Variants in CPEB3 observed in about 807,000 individuals in gnomAD.
The protein encoded by CPEB3 is cytoplasmic polyadenylation element-binding protein 3.
CPEB3 carries 20 observed loss-of-function variants against 67.2 expected under a neutral mutation model. The ratio of observed to expected loss-of-function variants is 0.30; its 90% CI spans 0.21 to 0.43. The LOEUF (loss-of-function observed/expected upper bound fraction) is 0.43. CPEB3 is among the 20% of genes least tolerant of loss of function. The pLI is 1.00. For synonymous variants in CPEB3, 376 were observed against 393.1 expected (o/e 0.96, Z 0.51); for missense variants, 746 against 968.6 (o/e 0.77, Z 3.05).
intron 6 of CPEB3, chr10:92,137,508 T>C: frequency 2.0e-6 from 2 of 977,254 alleles, no homozygotes; most frequent in Non-Finnish European, 3.2e-6. Flanking sequence ...GGCCTTCTGA[T>C]GTGCTTGAGG....
intron 9 of CPEB3, among the ~76,000 whole-genome samples, chr10:92,063,412 C>G (rs1165800288): frequency 6.6e-6 from 1 of 152,194 alleles, no homozygotes; most frequent in African/African-American, 2.4e-5. Flanking sequence ...CTATTAAGGA[C>G]AGCCAAAGAC....
chr10:92,057,622 G>A (rs1051527127), intron 9 of CPEB3, among the ~76,000 whole-genome samples: 1 of 152,238 alleles, frequency 6.6e-6, no homozygotes, highest in Non-Finnish European at 1.5e-5. Flanking sequence ...TAACCAGGGC[G>A]TGGTTATGGC....
At chr10:92,082,194 C>A (rs1843180351) in intron 8 of CPEB3, among the ~76,000 whole-genome samples, 2 of 152,156 alleles carry the variant, frequency 1.3e-5, no homozygotes, top group South Asian at 2.1e-4. Context: ...TAAAAACATA[C>A]CCATGTTGTA....
intron 4 of CPEB3, among the ~76,000 whole-genome samples, chr10:92,171,861 C>T (rs1335601567): frequency 1.3e-5 from 2 of 152,136 alleles, no homozygotes; most frequent in Admixed American, 1.3e-4. Context: ...GTGATCCACC[C>T]GCCTCAGCCT....
chr10:92,055,274 T>C (rs764660207), intron 9 of CPEB3, among the ~76,000 whole-genome samples: 15 of 152,224 alleles, frequency 9.9e-5, no homozygotes, highest in Non-Finnish European at 2.9e-5. Context: ...TTGAGGGATC[T>C]AGTCTACACA....
chr10:92,116,170 T>A (rs562383452), intron 6 of CPEB3, among the ~76,000 whole-genome samples: 3 of 151,136 alleles, frequency 2.0e-5, no homozygotes, highest in African/African-American at 7.3e-5. Flanking sequence ...TGTGTACTTA[T>A]GTTAATATTC....
At chr10:92,146,391 AC>A (rs1036860699) in intron 4 of CPEB3, among the ~76,000 whole-genome samples, 4 of 152,072 alleles carry the variant, frequency 2.6e-5, no homozygotes, top group African/African-American at 7.2e-5. Context: ...GAGTACTCTA[AC>A]TTTTGGGGGA....
intron 9 of CPEB3, among the ~76,000 whole-genome samples, chr10:92,054,655 T>C (rs898467237): frequency 6.6e-6 from 1 of 152,166 alleles, no homozygotes; most frequent in Non-Finnish European, 1.5e-5. Flanking sequence ...TTGGCCAGGC[T>C]GGTCTCAAAT....
At chr10:92,078,745 A>T (rs1843028227) in intron 9 of CPEB3, among the ~76,000 whole-genome samples, 1 of 152,198 alleles carries the variant, frequency 6.6e-6, no homozygotes, top group South Asian at 2.1e-4. Context: ...ACAAAAGCAA[A>T]GCCATTTCTC....
At chr10:92,144,831 C>A in intron 5 of CPEB3, 114 bp downstream of exon 5, 1 of 846,964 alleles carries the variant, frequency 1.2e-6, no homozygotes, top group African/African-American at 1.7e-5. Context: ...ATAGTCTCAC[C>A]TCCTATGCAC....
chr10:92,158,555 A>C (rs1039945357), intron 4 of CPEB3, among the ~76,000 whole-genome samples: 2 of 152,324 alleles, frequency 1.3e-5, no homozygotes, highest in Admixed American at 6.5e-5. Context: ...GATTCCCCTG[A>C]AAAATGTATA....
chr10:92,070,216 T>C (rs991852750), intron 9 of CPEB3, among the ~76,000 whole-genome samples: 2 of 152,176 alleles, frequency 1.3e-5, no homozygotes, highest in African/African-American at 2.4e-5. Flanking sequence ...AAACTGCATA[T>C]TGCCTCCTTC....
intron 6 of CPEB3, among the ~76,000 whole-genome samples, chr10:92,131,276 T>C (rs1032031398): frequency 6.6e-6 from 1 of 152,200 alleles, no homozygotes; most frequent in Admixed American, 6.6e-5. Context: ...CCAGCACTAA[T>C]GTACTATAGT....
Position 92,092,290 on chromosome 10 carries a change from C to T in CPEB3, c.1573-346G>A, listed in dbSNP as rs551970831. Reference sequence around the variant, plus strand: ...AACACATGATAGAGACTGTTTACAACGTGTCACAGTACACCACTTTGTTTT... The same window carrying T: ...AACACATGATAGAGACTGTTTACAATGTGTCACAGTACACCACTTTGTTTT... On this transcript the variant is annotated intron_variant, in intron 7 of 9. Coordinates refer to ENST00000265997, the MANE Select transcript of CPEB3 (RefSeq NM_014912.5). Among the ~76,000 whole-genome samples the T allele has an allele frequency of 3.9e-5, 6 of 152,252 alleles. No individual in the cohort carries two copies. The South Asian group carries it at 1.0e-3, about 26-fold the overall frequency.
chr10:92,128,852 G>C (rs564507416), intron 6 of CPEB3, among the ~76,000 whole-genome samples: 6 of 152,286 alleles, frequency 3.9e-5, no homozygotes, highest in African/African-American at 7.2e-5. Context: ...ACAGGTGCTG[G>C]TGAGGTTGCA....
At chr10:92,121,713 A>G (rs770057607) in intron 6 of CPEB3, among the ~76,000 whole-genome samples, 1 of 151,894 alleles carries the variant, frequency 6.6e-6, no homozygotes, top group Non-Finnish European at 1.5e-5. Flanking sequence ...ATCCTGAACC[A>G]CTGCAGCATT....
At chr10:92,286,610 T>C (rs191824309) in intron 1 of CPEB3, among the ~76,000 whole-genome samples, 1 of 149,850 alleles carries the variant, frequency 6.7e-6, no homozygotes, top group African/African-American at 2.5e-5. Flanking sequence ...AACATAGGTA[T>C]AGTTATAATT....
rs776564908 is a variant in CPEB3, at chr10:92,052,222, C to T, written c.2087G>A (p.Arg696His). 1.5e-5 allele frequency: 24 copies of T among 1,612,752 alleles called. No homozygotes were observed. The highest frequency in any genetic ancestry group is 8.3e-5 in the Admixed American group (5 of 59,968). Residue 696 changes from arginine (R) to histidine (H), a missense_variant, in exon 10 of 10, where the codon CGC (arginine) becomes CAC (histidine). This residue lies in a region of CPEB3 where 103 missense variants were observed against 251.1 expected (regional missense o/e 0.41). Transcript: ENST00000265997. ...GGDRPRHVPF[R>H]WS Reference sequence around the variant, plus strand: ...GGGTCGGCCCGTGGCTCAGCTCCAGCGGAACGGGACGTGACGAGGGCGGTC... The same window carrying T: ...GGGTCGGCCCGTGGCTCAGCTCCAGTGGAACGGGACGTGACGAGGGCGGTC...
intron 7 of CPEB3, among the ~76,000 whole-genome samples, chr10:92,108,114 T>C (rs755642017): frequency 6.6e-6 from 1 of 152,194 alleles, no homozygotes; most frequent in Non-Finnish European, 1.5e-5. Context: ...GTAGAAAATC[T>C]GCAAGGTCAT....
Sources: gnomAD v4.1 joint callset for allele counts (sites outside exome capture counted in the v4.1 genomes callset) on GRCh38, gnomAD v4.1.1 for gene constraint, gnomAD v4.1.1 regional missense constraint, MANE v1.5 for transcripts, NCBI Gene and HGNC (gene_info 2026-07-23, HGNC 2026-07-21) for gene names.